Variants in VSIG2 observed in about 807,000 individuals in gnomAD.
VSIG2 encodes V-set and immunoglobulin domain-containing protein 2.
Under a neutral mutation model 29.4 loss-of-function variants are expected in VSIG2, and 30 were observed. The ratio of observed to expected loss-of-function variants is 1.02; its 90% confidence interval spans 0.76 to 1.38. The LOEUF is 1.38. VSIG2 is among the 40% of genes most tolerant of loss of function. The probability of loss-of-function intolerance (pLI) is 0.00; values close to 1 mark genes in which losing one functional copy is unlikely to be tolerated. For missense variants in VSIG2, 421 were observed against 400.8 expected (o/e 1.05, Z -0.43); for synonymous variants, 178 against 174.2 (o/e 1.02, Z -0.17).
chr11:124,752,027 A>T, intron 1 of VSIG2, 50 bp downstream of exon 1: 1 of 1,523,670 alleles, frequency 6.6e-7, no homozygotes, highest in Non-Finnish European at 8.7e-7. Context: ...CGGGGAAGCC[A>T]GGCCTATGCC....
In VSIG2 at chr11:124,748,751, C is replaced by A. The variant is rs1255048044; in HGVS notation, c.599G>T (p.Gly200Val). 6.2e-7 allele frequency: 1 copy of A among 1,614,052 alleles called. No homozygotes were observed. The highest frequency in any genetic ancestry group is 8.5e-7 in the Non-Finnish European group (1 of 1,180,034). Residue 200 changes from glycine to valine, a missense_variant, in exon 5 of 7, where the codon GGC becomes GTC. Transcript: ENST00000326621. ...PGSMVQDEVSGQLILTNLSLT... is the reference protein window; with the variant it reads ...PGSMVQDEVSVQLILTNLSLT... Reference sequence around the variant, plus strand: ...GGAGAGGTTGGTGAGAATGAGCTGGCCAGACACCTCATCTAGAGGATGAAG... The same window carrying A: ...GGAGAGGTTGGTGAGAATGAGCTGGACAGACACCTCATCTAGAGGATGAAG...
At chr11:124,749,962 A>C (rs1278590790) in intron 3 of VSIG2, 96 bp from the exon 4 acceptor site, 2 of 1,344,584 alleles carry the variant, frequency 1.5e-6, no homozygotes, top group East Asian at 5.1e-5. Flanking sequence ...TCTCTACTTC[A>C]ATACCCCTAT....
chr11:124,748,863 G>A (rs1944048576), intron 4 of VSIG2, 100 bp from the exon 5 acceptor site: 1 of 1,577,790 alleles, frequency 6.3e-7, no homozygotes, highest in South Asian at 1.1e-5. Context: ...ATCCTGTCAG[G>A]GAGCAACTAA....
In VSIG2 at chr11:124,748,433, T is replaced by C. The variant is rs753709842; in HGVS notation, c.808A>G (p.Arg270Gly). ...TATGTCTCCTTGGGCTTCTTCCCCCTCTCTTTCTGGAACCTGACCAGGCAG... is the reference window on the plus strand; with the variant it reads ...TATGTCTCCTTGGGCTTCTTCCCCCCCTCTTTCTGGAACCTGACCAGGCAG... ...AFCLVRFQKE[R>G]GKKPKETYGG... The change falls in exon 6 of 7, where the codon AGG (arginine) becomes GGG (glycine). Residue 270 changes from arginine (R) to glycine (G), a missense_variant. Arg to Gly is a moderately radical substitution (Grantham distance 125, BLOSUM62 -2). Coordinates refer to ENST00000326621, the MANE Select transcript of VSIG2 (RefSeq NM_014312.5). 2 of 1,613,712 alleles carry C rather than the reference T, an allele frequency of 1.2e-6. No individual in the cohort carries two copies. Among genetic ancestry groups the C allele is most frequent in the Non-Finnish European group, 1.7e-6 (2 of 1,179,928 alleles).
intron 4 of VSIG2, 32 bp downstream of exon 4, chr11:124,749,676 A>G (rs756957101): frequency 1.9e-6 from 3 of 1,605,160 alleles, no homozygotes; most frequent in South Asian, 1.1e-5. Flanking sequence ...CCAGGTCTCC[A>G]GTACCCTCTT....
intron 4 of VSIG2, among the ~76,000 whole-genome samples, chr11:124,749,106 A>T (rs1944051378): frequency 6.6e-6 from 1 of 152,184 alleles, no homozygotes; most frequent in African/African-American, 2.4e-5. Flanking sequence ...AAAAGGCTTG[A>T]TTGCTAGAAA....
At chr11:124,748,997 T>G (rs1282794930) in intron 4 of VSIG2, among the ~76,000 whole-genome samples, 2 of 152,102 alleles carry the variant, frequency 1.3e-5, no homozygotes, top group Admixed American at 1.3e-4. Context: ...GCTGCCTTTT[T>G]GGGAGGAGGA....
intron 2 of VSIG2, among the ~76,000 whole-genome samples, chr11:124,751,139 C>CTA (rs1944080619): frequency 6.6e-6 from 1 of 151,526 alleles, no homozygotes; most frequent in African/African-American, 2.4e-5. Context: ...CTCTCTCTCT[C>CTA]AAAGAGAGAG....
At position 124,752,154 on chromosome 11, in the gene VSIG2, C is replaced by T; in HGVS notation, c.-17G>A. The T allele has an allele frequency of 6.4e-7, 1 of 1,569,452 alleles. No individual in the cohort carries two copies. Among genetic ancestry groups the T allele is most frequent in the South Asian group, 1.2e-5 (1 of 85,722 alleles). On this transcript the variant is annotated 5_prime_UTR_variant, in exon 1 of 7. Coordinates refer to ENST00000326621, the MANE Select transcript of VSIG2 (RefSeq NM_014312.5). ...CTCGGCCATGGCCGCGTCCGGCCGT[C>T]CTGTCCTGCTCCTGCCAGGTGGGCG...
chr11:124,748,341 T>TC, intron 6 of VSIG2, 49 bp downstream of exon 6: 1 of 1,553,072 alleles, frequency 6.4e-7, no homozygotes, highest in Non-Finnish European at 8.7e-7. Context: ...CGCTTTTAAC[T>TC]CAAGCCCTTT....
At chr11:124,749,598 G>T in intron 4 of VSIG2, 110 bp downstream of exon 4, 1 of 1,423,550 alleles carries the variant, frequency 7.0e-7, no homozygotes, top group South Asian at 1.4e-5. Context: ...AAGGTATAGT[G>T]GTTTGTGTCA....
At chr11:124,751,063 G>A in intron 2 of VSIG2, 142 bp from the exon 3 acceptor site, 1 of 844,370 alleles carries the variant, frequency 1.2e-6, no homozygotes, top group Non-Finnish European at 1.8e-6. Flanking sequence ...GAACTCCAAA[G>A]GTCTCTCTGT....
intron 2 of VSIG2, 93 bp from the exon 3 acceptor site, chr11:124,751,014 T>G: frequency 7.5e-7 from 1 of 1,341,192 alleles, no homozygotes; most frequent in Non-Finnish European, 1.0e-6. Context: ...AAGAGGCCTC[T>G]GACTTACATC....
chr11:124,749,508 AC>A (rs1203034862), intron 4 of VSIG2, among the ~76,000 whole-genome samples, 199 bp downstream of exon 4: 1 of 152,028 alleles, frequency 6.6e-6, no homozygotes, highest in East Asian at 1.9e-4. Context: ...CTTGAGAAAT[AC>A]CCCCAGGATC....
chr11:124,750,638 A>T, intron 3 of VSIG2, 76 bp downstream of exon 3: 1 of 1,492,658 alleles, frequency 6.7e-7, no homozygotes, highest in South Asian at 1.3e-5. Flanking sequence ...CAGAAACCAG[A>T]GATTTAGCAA....
chr11:124,749,880 A>C lies in VSIG2; in HGVS notation c.428-14T>G, dbSNP rs781255688. The stretch of plus-strand genomic sequence containing the variant: ...TACTGGGGGGAACTGCAAAAAAAAA[A>C]AAAAAAAAAAAAAAACAGAAAGTTC... On this transcript the variant is annotated splice_polypyrimidine_tract_variant and intron_variant, in intron 3 of 6. Transcript: ENST00000326621. 8 of 1,506,912 alleles carry C rather than the reference A, an allele frequency of 5.3e-6. No homozygotes were observed. The African/African-American group carries it at 1.0e-4, about 20-fold the overall frequency. The allele number at this position is 1,506,912 out of a possible 1,614,324, so 93.3% of individuals were successfully genotyped here. A position where few individuals can be genotyped will look rare whatever the true frequency, so the allele number is the denominator to read the frequency against.
intron 6 of VSIG2, 45 bp from the exon 7 acceptor site, chr11:124,747,712 G>T (rs1944030507): frequency 1.3e-6 from 2 of 1,587,384 alleles, no homozygotes; most frequent in Non-Finnish European, 1.7e-6. Context: ...GAAGCCTCCT[G>T]CGGAGGAGGG....
intron 6 of VSIG2, 33 bp downstream of exon 6, chr11:124,748,357 C>T: frequency 6.4e-7 from 1 of 1,573,600 alleles, no homozygotes. Flanking sequence ...CCTTTCCTCC[C>T]TCCTTGCGCC....
At chr11:124,748,288 TA>T in intron 6 of VSIG2, 101 bp downstream of exon 6, 2 of 1,335,092 alleles carry the variant, frequency 1.5e-6, no homozygotes, top group Non-Finnish European at 2.1e-6. Context: ...CTCCTGCCCC[TA>T]AACACACTGA....
Sources: gnomAD v4.1 joint callset for allele counts (sites outside exome capture counted in the v4.1 genomes callset) on GRCh38, gnomAD v4.1.1 for gene constraint, MANE v1.5 for transcripts, NCBI Gene and HGNC (gene_info 2026-07-23, HGNC 2026-07-21) for gene names.